The following PRORP variants were observed in gnomAD, a reference collection of about 807,000 sequenced individuals.
The protein encoded by PRORP is protein only RNase P catalytic subunit.
A neutral mutation model predicts 59.4 loss-of-function variants in PRORP; 51 were observed. That is an observed-to-expected ratio of 0.86 (90% confidence interval 0.69 to 1.08). The LOEUF is 1.08. PRORP is among the 50% of genes least tolerant of loss of function. The pLI is 0.00. For missense variants in PRORP, 646 were observed against 690.3 expected (o/e 0.94, Z 0.72); for synonymous variants, 231 against 245.6 (o/e 0.94, Z 0.55).
intron 5 of PRORP, among the ~76,000 whole-genome samples, chr14:35,251,495 A>G (rs1306083550): frequency 1.3e-5 from 2 of 152,174 alleles, no homozygotes; most frequent in Admixed American, 1.3e-4. Flanking sequence ...AAAATTATCG[A>G]AGATAATTTC....
At position 35,275,825 on chromosome 14, in the gene PRORP, C is replaced by G. The variant is rs2051286762; in HGVS notation, c.*2259C>G. On this transcript the variant is annotated 3_prime_UTR_variant, in exon 8 of 8. Coordinates refer to ENST00000534898, the MANE Select transcript of PRORP (RefSeq NM_014672.4). ...AAAAAAAAAAAAAAGACGGGAGAAGCTACAAGAAGAAAACTAGAACTTTAG... is the reference window on the plus strand; with the variant it reads ...AAAAAAAAAAAAAAGACGGGAGAAGGTACAAGAAGAAAACTAGAACTTTAG... The G allele has an allele frequency of 7.0e-6, 1 of 143,212 alleles. No individual in the cohort carries two copies. The highest frequency in any genetic ancestry group is 1.5e-5 in the Non-Finnish European group (1 of 66,422). 8.9% of individuals were successfully genotyped at this position (143,212 alleles called of 1,614,324 possible).
intron 5 of PRORP, among the ~76,000 whole-genome samples, chr14:35,255,015 C>T (rs544819512): frequency 6.6e-6 from 1 of 152,280 alleles, no homozygotes; most frequent in Non-Finnish European, 1.5e-5. Flanking sequence ...TGACCACCCT[C>T]CTCACCCACA....
At chr14:35,125,776 C>G (rs893967464) in intron 2 of PRORP, among the ~76,000 whole-genome samples, 1 of 152,136 alleles carries the variant, frequency 6.6e-6, no homozygotes, top group African/African-American at 2.4e-5. Context: ...AATCTGAGCA[C>G]TTTTAGAGAC....
At chr14:35,150,442 G>T (rs2047717104) in intron 4 of PRORP, among the ~76,000 whole-genome samples, 1 of 152,150 alleles carries the variant, frequency 6.6e-6, no homozygotes, top group Non-Finnish European at 1.5e-5. Flanking sequence ...TACCATTCAG[G>T]TATGTCGGTG....
intron 6 of PRORP, among the ~76,000 whole-genome samples, chr14:35,269,130 A>G (rs966289611): frequency 6.6e-6 from 1 of 152,130 alleles, no homozygotes; most frequent in African/African-American, 2.4e-5. Context: ...TGTCTGGGAA[A>G]GGTTTTTCCT....
At chr14:35,184,056 T>A (rs1316174622) in intron 5 of PRORP, among the ~76,000 whole-genome samples, 1 of 152,182 alleles carries the variant, frequency 6.6e-6, no homozygotes, top group African/African-American at 2.4e-5. Flanking sequence ...ACATATTATT[T>A]ATGCTCTTCC....
At chr14:35,262,705 G>T in intron 5 of PRORP, 2 of 820,190 alleles carry the variant, frequency 2.4e-6, no homozygotes, top group South Asian at 2.7e-5. Context: ...ATGATCAAGG[G>T]TGTTACACTG....
chr14:35,242,201 T>A (rs75111740), intron 5 of PRORP, among the ~76,000 whole-genome samples: 1 of 152,210 alleles, frequency 6.6e-6, no homozygotes, highest in South Asian at 2.1e-4. Context: ...TAAATATCCC[T>A]GCACCTCAAG....
intron 5 of PRORP, among the ~76,000 whole-genome samples, chr14:35,211,982 T>C (rs755861963): frequency 6.6e-6 from 1 of 152,240 alleles, no homozygotes; most frequent in African/African-American, 2.4e-5. Context: ...ACTAAACTTA[T>C]GGAATATTCC....
rs138913629 is a variant in PRORP, at chr14:35,158,607, G to A, written c.1168-22063G>A. ...GAAGGAGCAGTGAAGTATAAACCCG[G>A]CACCCTGTTATCAGGCATCTGAAAT... On this transcript the variant is annotated intron_variant, in intron 4 of 7. Coordinates refer to ENST00000534898, the MANE Select transcript of PRORP (RefSeq NM_014672.4). 3.7e-4 allele frequency: 123 copies of A among 330,220 alleles called. 1 individual carries two copies. The East Asian group carries it at 0.01, about 28-fold the overall frequency. The allele number at this position is 330,220 out of a possible 1,614,324, so 20.5% of individuals were successfully genotyped here.
chr14:35,210,726 T>A (rs2049417168), intron 5 of PRORP, among the ~76,000 whole-genome samples: 1 of 144,730 alleles, frequency 6.9e-6, no homozygotes, highest in Non-Finnish European at 1.5e-5. Context: ...CTGGAAAAGT[T>A]TTCCTTTTCT....
intron 5 of PRORP, among the ~76,000 whole-genome samples, chr14:35,222,938 G>A (rs935789447): frequency 2.6e-5 from 4 of 152,078 alleles, no homozygotes; most frequent in African/African-American, 4.8e-5. Context: ...CTTACCTTCT[G>A]TCTGTCTGGG....
At chr14:35,213,381 T>C (rs986584732) in intron 5 of PRORP, among the ~76,000 whole-genome samples, 2 of 152,162 alleles carry the variant, frequency 1.3e-5, no homozygotes, top group African/African-American at 2.4e-5. Context: ...CAGTGAGCTG[T>C]GATTGCACAA....
At chr14:35,221,459 GA>G (rs1447695565) in intron 5 of PRORP, among the ~76,000 whole-genome samples, 1 of 151,970 alleles carries the variant, frequency 6.6e-6, no homozygotes, top group Non-Finnish European at 1.5e-5. Context: ...TTTCAACATG[GA>G]TTTTTTTTTG....
chr14:35,123,295 G>A lies in PRORP; in HGVS notation c.50G>A (p.Ser17Asn). ...GIRSFPKLWK[S>N]PYLGLGPGHS... ...CGAAGCTTTCCGAAGCTTTGGAAGA[G>A]CCCATACCTTGGGCTAGGCCCAGGG... Residue 17 changes from serine to asparagine, a missense_variant, in exon 2 of 8, where the codon AGC becomes AAC. Physicochemically the swap from Ser to Asn is conservative, Grantham distance 46. Transcript: ENST00000534898. The A allele has an allele frequency of 2.5e-6, 4 of 1,613,624 alleles. No homozygotes were observed. Among genetic ancestry groups the A allele is most frequent in the Non-Finnish European group, 3.4e-6 (4 of 1,180,010 alleles).
intron 5 of PRORP, among the ~76,000 whole-genome samples, chr14:35,265,887 T>TG (rs1156436985): frequency 6.6e-6 from 1 of 151,846 alleles, no homozygotes; most frequent in Non-Finnish European, 1.5e-5. Flanking sequence ...TTAAAACAGC[T>TG]GAACTAGGCT....
chr14:35,221,294 A>G (rs964614777), intron 5 of PRORP, among the ~76,000 whole-genome samples: 1 of 152,240 alleles, frequency 6.6e-6, no homozygotes, highest in Non-Finnish European at 1.5e-5. Context: ...TATTAAAATC[A>G]TAATTGATGC....
intron 4 of PRORP, among the ~76,000 whole-genome samples, chr14:35,135,881 C>G (rs1339347665): frequency 6.6e-6 from 1 of 151,026 alleles, no homozygotes; most frequent in Non-Finnish European, 1.5e-5. Context: ...TCGCTGGAAC[C>G]TGGGAGGCGG....
intron 5 of PRORP, among the ~76,000 whole-genome samples, chr14:35,253,987 T>A (rs1456382432): frequency 6.6e-6 from 1 of 151,062 alleles, no homozygotes; most frequent in Non-Finnish European, 1.5e-5. Context: ...GACTCCCAAA[T>A]CTTTATCTGC....
Sources: allele counts gnomAD v4.1 joint callset (sites outside exome capture counted in the v4.1 genomes callset), GRCh38; gene constraint gnomAD v4.1.1; transcripts MANE v1.5; gene names NCBI Gene and HGNC (gene_info 2026-07-23, HGNC 2026-07-21).